The following POLR3C variants were observed in gnomAD, a reference collection of about 807,000 sequenced individuals.
POLR3C encodes the protein RNA polymerase III subunit C, also known as DNA-directed RNA polymerase III subunit RPC3.
A neutral mutation model predicts 65.9 loss-of-function variants in POLR3C; 44 were observed. The observed-to-expected ratio is 0.67, with a 90% confidence interval of 0.52 to 0.86. POLR3C has a LOEUF of 0.86. POLR3C is among the 40% of genes least tolerant of loss of function. The probability of loss-of-function intolerance (pLI) is 0.00; values close to 1 mark genes in which losing one functional copy is unlikely to be tolerated. For synonymous variants in POLR3C, 263 were observed against 231.6 expected (o/e 1.14, Z -1.23); for missense variants, 576 against 653.2 (o/e 0.88, Z 1.29).
chr1:145,843,670 A>C lies in POLR3C; in HGVS notation c.*1250A>C, dbSNP rs1013594972. The stretch of plus-strand genomic sequence containing the variant: ...AGTATTAGGGGTGCTACAGTAGAAG[A>C]GTAAACACTATGTACAGAGAGGCCA... On this transcript the variant is annotated 3_prime_UTR_variant, in exon 15 of 15. Coordinates refer to ENST00000334163, the MANE Select transcript of POLR3C (RefSeq NM_006468.8). 6.6e-6 allele frequency among the ~76,000 whole-genome samples: 1 copy of C among 152,232 alleles called. No homozygotes were observed. The highest frequency in any genetic ancestry group is 2.4e-5 in the African/African-American group (1 of 41,458).
intron 4 of POLR3C, among the ~76,000 whole-genome samples, chr1:145,827,758 CAAAAAAAAAA>C (rs1163679762): frequency 1.7e-5 from 1 of 58,544 alleles, no homozygotes; most frequent in Admixed American, 1.8e-4. Flanking sequence ...GACTCCGTCT[CAAAAAAAAAA>C]AAAAAAAAAA....
At chr1:145,833,466 A>G in intron 6 of POLR3C, 24 bp from the exon 7 acceptor site, 1 of 1,597,088 alleles carries the variant, frequency 6.3e-7, no homozygotes, top group South Asian at 1.1e-5. Context: ...GTGATTTCTG[A>G]ATTCTAGTTT....
intron 11 of POLR3C, 39 bp downstream of exon 11, chr1:145,838,245 G>C (rs1553729383): frequency 1.3e-6 from 2 of 1,586,246 alleles, no homozygotes; most frequent in East Asian, 2.2e-5. Context: ...AACCAGCAAA[G>C]CTGGCCTAGG....
chr1:145,826,666 T>A lies in POLR3C; in HGVS notation c.360T>A (p.Ala120=), dbSNP rs782548762. 4 of 1,614,154 alleles carry A rather than the reference T, an allele frequency of 2.5e-6. No individual in the cohort carries two copies. The Admixed American group carries it at 6.7e-5, about 27-fold the overall frequency. Residue 120 remains alanine (A), a synonymous_variant, in exon 3 of 15, where the codon GCT becomes GCA. Transcript: ENST00000334163. ...LLLNGKLTMS[A]VVKKVADRLT... ...TGAACGGCAAACTGACAATGTCAGC[T>A]GTTGTGAAGAAAGTGGCAGACCGGC...
chr1:145,838,641 CAA>C (rs1652050206), intron 11 of POLR3C, among the ~76,000 whole-genome samples: 2 of 151,922 alleles, frequency 1.3e-5, no homozygotes, highest in African/African-American at 4.8e-5. Flanking sequence ...GAGCCGAGAT[CAA>C]GCCACTGCAC....
chr1:145,841,147 A>G, intron 14 of POLR3C, 76 bp downstream of exon 14: 1 of 1,276,422 alleles, frequency 7.8e-7, no homozygotes, highest in South Asian at 1.3e-5. Flanking sequence ...GTAACCCTCC[A>G]GCTTAGCATG....
At chr1:145,828,929 G>T (rs1016173087) in intron 5 of POLR3C, 92 bp downstream of exon 5, 17 of 723,798 alleles carry the variant, frequency 2.3e-5, no homozygotes, top group Non-Finnish European at 3.3e-5. Context: ...AAAGCTTCCT[G>T]AGCTAAGAAG....
intron 12 of POLR3C, 62 bp downstream of exon 12, chr1:145,840,053 A>G: frequency 6.6e-7 from 1 of 1,506,492 alleles, no homozygotes; most frequent in South Asian, 1.1e-5. Flanking sequence ...TCATGTGCCC[A>G]CTTCGCCCTG....
intron 7 of POLR3C, among the ~76,000 whole-genome samples, chr1:145,834,158 G>C (rs1651587320): frequency 1.3e-5 from 2 of 152,168 alleles, no homozygotes; most frequent in South Asian, 4.1e-4. Context: ...ACTGTAGGCA[G>C]TTGTAACGCA....
intron 7 of POLR3C, among the ~76,000 whole-genome samples, chr1:145,835,409 C>T (rs1651728464): frequency 2.7e-5 from 4 of 149,208 alleles, no homozygotes; most frequent in Admixed American, 1.3e-4. Flanking sequence ...CGCACCACTG[C>T]ACTCTAGCCT....
Position 145,833,360 on chromosome 1 carries a change from A to G in POLR3C, c.779A>G (p.Asp260Gly). The G allele has an allele frequency of 1.3e-6, 2 of 1,597,392 alleles. No homozygotes were observed. Among genetic ancestry groups the G allele is most frequent in the South Asian group, 1.1e-5 (1 of 90,634 alleles). Residue 260 changes from aspartate (D) to glycine (G), a missense_variant, in exon 6 of 15, where the codon GAC (aspartate) becomes GGC (glycine). Physicochemically the swap from Asp to Gly is moderately conservative, Grantham distance 94. Coordinates refer to ENST00000334163, the MANE Select transcript of POLR3C (RefSeq NM_006468.8). ...GTGAGCGCAGTTGCTAACAGGATGGACCAGGTAATACCTAAGTGGGTCTGT... is the reference window on the plus strand; with the variant it reads ...GTGAGCGCAGTTGCTAACAGGATGGGCCAGGTAATACCTAAGTGGGTCTGT... ...AIVSAVANRM[D>G]QTSSEIVRTM...
rs782294291 is a variant in POLR3C at position 145,826,891 on chromosome 1, C to T, written c.475C>T (p.Arg159Cys). The T allele has an allele frequency of 1.3e-5, 21 of 1,613,308 alleles. No homozygotes were observed. The highest frequency in any genetic ancestry group is 3.3e-4 in the Middle Eastern group (2 of 6,078). ...ACTGGCAGACACACACTTTGTACAA[C>T]GCTGCCCTTCGGTACCTACCACTGA... ...VRLADTHFVQRCPSVPTTENS... is the reference protein window; with the variant it reads ...VRLADTHFVQCCPSVPTTENS... The change falls in exon 4 of 15, where the codon CGC (arginine) becomes TGC (cysteine). Residue 159 changes from arginine to cysteine, a missense_variant. Arg to Cys is a radical substitution (Grantham distance 180, BLOSUM62 -3). Coordinates refer to ENST00000334163, the MANE Select transcript of POLR3C (RefSeq NM_006468.8).
At chr1:145,824,534 G>A (rs868915538) in intron 1 of POLR3C, 165 bp downstream of exon 1, 3 of 1,290,338 alleles carry the variant, frequency 2.3e-6, no homozygotes, top group Admixed American at 4.6e-5. Flanking sequence ...AAGATATGTG[G>A]ATGGACGAAA....
rs1553725807 is a variant in POLR3C at position 145,826,580 on chromosome 1, A to G, written c.274A>G (p.Ile92Val). 2 of 1,614,074 alleles carry G rather than the reference A, an allele frequency of 1.2e-6. No homozygotes were observed. Among genetic ancestry groups the G allele is most frequent in the Admixed American group, 1.7e-5 (1 of 59,998 alleles). The part of the protein sequence containing the change: ...VLRMLRYPRY[I>V]YTTKTLYSDT... ...GCGAATGCTTAGATATCCCCGGTAC[A>G]TCTATACTACCAAAACTCTGTACAG... The change falls in exon 3 of 15, where the codon ATC becomes GTC. Residue 92 changes from isoleucine to valine, a missense_variant. Transcript: ENST00000334163.
Position 145,844,231 on chromosome 1 carries a change from G to C in POLR3C, c.*1811G>C, listed in dbSNP as rs1652495774. On this transcript the variant is annotated 3_prime_UTR_variant, in exon 15 of 15. Coordinates refer to ENST00000334163, the MANE Select transcript of POLR3C (RefSeq NM_006468.8). ...CTGCACTCCCATGTTTATTGCAGCA[G>C]TATTCACGATAGCCAAAACATGGAA... 6.6e-6 allele frequency among the ~76,000 whole-genome samples: 1 copy of C among 152,168 alleles called. No individual in the cohort carries two copies. Among genetic ancestry groups the C allele is most frequent in the Non-Finnish European group, 1.5e-5 (1 of 68,046 alleles).
chr1:145,826,509 A>T lies in POLR3C; in HGVS notation c.203A>T (p.His68Leu), dbSNP rs1553725770. ...CATAACCTGGTGAGTTATCAAGTGC[A>T]CAAACGTGGTGTGGTGGAGTATGAA... The part of the protein sequence containing the change: ...VQHNLVSYQV[H>L]KRGVVEYEAQ... The change falls in exon 3 of 15, where the codon CAC (histidine) becomes CTC (leucine). Residue 68 changes from histidine to leucine, a missense_variant. His to Leu is a moderately conservative substitution (Grantham distance 99, BLOSUM62 -3). Coordinates refer to ENST00000334163, the MANE Select transcript of POLR3C (RefSeq NM_006468.8). 1 of 1,613,814 alleles carries T rather than the reference A, an allele frequency of 6.2e-7. No homozygotes were observed.
chr1:145,826,651 A>G lies in POLR3C; in HGVS notation c.345A>G (p.Lys115=). The G allele has an allele frequency of 1.9e-6, 3 of 1,614,096 alleles. No individual in the cohort carries two copies. Among genetic ancestry groups the G allele is most frequent in the Non-Finnish European group, 2.5e-6 (3 of 1,179,992 alleles). Reference sequence around the variant, plus strand: ...TTGAGGAGCTTCTGTTGAACGGCAAACTGACAATGTCAGCTGTTGTGAAGA... The same window carrying G: ...TTGAGGAGCTTCTGTTGAACGGCAAGCTGACAATGTCAGCTGTTGTGAAGA... ...LIVEELLLNG[K]LTMSAVVKKV... The change falls in exon 3 of 15, where the codon AAA becomes AAG. Residue 115 remains lysine, a synonymous_variant. Coordinates refer to ENST00000334163, the MANE Select transcript of POLR3C (RefSeq NM_006468.8).
chr1:145,828,834 G>C lies in POLR3C; in HGVS notation c.675G>C (p.Lys225Asn). ...GACCAAAATATACTACAGATAACAA[G>C]GAGGTAATGGGGCTTCTTGATTAGA... ...AKRPKYTTDN[K>N]EPIPDDGIYW... The change falls in exon 5 of 15, where the codon AAG becomes AAC. Residue 225 changes from lysine to asparagine, a missense_variant. Coordinates refer to ENST00000334163, the MANE Select transcript of POLR3C (RefSeq NM_006468.8). 1 of 1,533,696 alleles carries C rather than the reference G, an allele frequency of 6.5e-7. No individual in the cohort carries two copies. Among genetic ancestry groups the C allele is most frequent in the Non-Finnish European group, 9.0e-7 (1 of 1,106,672 alleles).
Position 145,836,824 on chromosome 1 carries a change from G to T in POLR3C, c.967G>T (p.Val323Phe), listed in dbSNP as rs782663184. 19 of 1,590,020 alleles carry T rather than the reference G, an allele frequency of 1.2e-5. No individual in the cohort carries two copies. In the South Asian group the frequency reaches 2.1e-4, roughly 18 times the overall value. Residue 323 changes from valine (V) to phenylalanine (F), a missense_variant, in exon 9 of 15, where the codon GTT becomes TTT. By Grantham distance (50) the Val-to-Phe change is conservative. Coordinates refer to ENST00000334163, the MANE Select transcript of POLR3C (RefSeq NM_006468.8). ...CTCTTTTTCTTAATAGCTAGAGTTTGTTGGAAAGTCTGGCGACAGTGGTGG... is the reference window on the plus strand; with the variant it reads ...CTCTTTTTCTTAATAGCTAGAGTTTTTTGGAAAGTCTGGCGACAGTGGTGG... ...TLLADDPLEF[V>F]GKSGDSGGGM...
Sources: allele counts gnomAD v4.1 joint callset (sites outside exome capture counted in the v4.1 genomes callset), GRCh38; gene constraint gnomAD v4.1.1; transcripts MANE v1.5; gene names NCBI Gene and HGNC (gene_info 2026-07-23, HGNC 2026-07-21).